The following EIF4G3 variants were observed in gnomAD, a reference collection of about 807,000 sequenced individuals.
EIF4G3 encodes eukaryotic translation initiation factor 4 gamma 3.
EIF4G3 carries 34 observed loss-of-function variants against 186.4 expected under a neutral mutation model. The ratio of observed to expected loss-of-function variants is 0.18; its 90% CI spans 0.14 to 0.24. EIF4G3 has a LOEUF of 0.24. Among genes scored for constraint, EIF4G3 ranks in the 10% least tolerant of loss-of-function variants. The pLI is 1.00. For synonymous variants in EIF4G3, 673 were observed against 679.5 expected (o/e 0.99, Z 0.15); for missense variants, 1,536 against 1,948.5 (o/e 0.79, Z 3.99).
At chr1:21,069,062 C>T (rs2095361770) in intron 3 of EIF4G3, among the ~76,000 whole-genome samples, 1 of 152,170 alleles carries the variant, frequency 6.6e-6, no homozygotes, top group African/African-American at 2.4e-5. Context: ...AACTCCTCTG[C>T]CTAGGTTTGG....
At chr1:21,068,033 A>T (rs1390799955) in intron 3 of EIF4G3, among the ~76,000 whole-genome samples, 2 of 152,192 alleles carry the variant, frequency 1.3e-5, no homozygotes, top group East Asian at 3.9e-4. Context: ...AAGGGCCCTA[A>T]TCCCCCAAAA....
chr1:20,980,524 A>G (rs2077725269), intron 9 of EIF4G3, 76 bp from the exon 10 acceptor site: 1 of 1,001,448 alleles, frequency 1.0e-6, no homozygotes, highest in African/African-American at 1.7e-5. Context: ...ATAATAAGAA[A>G]GTAGCTTACT....
At chr1:21,133,133 T>C (rs2097183956) in intron 2 of EIF4G3, among the ~76,000 whole-genome samples, 1 of 152,116 alleles carries the variant, frequency 6.6e-6, no homozygotes, top group South Asian at 2.1e-4. Flanking sequence ...AATGGAAAAA[T>C]ATCCTATTAA....
intron 3 of EIF4G3, chr1:21,073,630 C>A: frequency 1.9e-6 from 1 of 518,884 alleles, no homozygotes; most frequent in Non-Finnish European, 3.8e-6. Context: ...CCTGGGCACA[C>A]GCCACATGCA....
intron 14 of EIF4G3, among the ~76,000 whole-genome samples, chr1:20,912,817 T>C (rs1314724279): frequency 6.6e-6 from 1 of 152,132 alleles, no homozygotes; most frequent in African/African-American, 2.4e-5. Context: ...CCCTCTAGAG[T>C]TCCTATAGGC....
At chr1:21,056,956 C>T (rs2094587925) in intron 3 of EIF4G3, among the ~76,000 whole-genome samples, 2 of 152,128 alleles carry the variant, frequency 1.3e-5, no homozygotes, top group African/African-American at 4.8e-5. Context: ...CTGCTTATTG[C>T]ATTTAAAAGA....
At chr1:20,835,808 G>A (rs2066583621) in intron 30 of EIF4G3, among the ~76,000 whole-genome samples, 1 of 152,006 alleles carries the variant, frequency 6.6e-6, no homozygotes, top group South Asian at 2.1e-4. Context: ...ACAGTGGCAT[G>A]CACCTACTGT....
At chr1:20,925,110 T>A (rs1396311780) in intron 14 of EIF4G3, among the ~76,000 whole-genome samples, 1 of 152,238 alleles carries the variant, frequency 6.6e-6, no homozygotes, top group South Asian at 2.1e-4. Flanking sequence ...CACATATATG[T>A]GTGCATTATA....
chr1:21,029,009 A>G (rs2092462776), intron 4 of EIF4G3, among the ~76,000 whole-genome samples: 1 of 152,114 alleles, frequency 6.6e-6, no homozygotes, highest in Non-Finnish European at 1.5e-5. Flanking sequence ...CAGCTTCCCA[A>G]AGTGCTGGAA....
intron 12 of EIF4G3, among the ~76,000 whole-genome samples, chr1:20,951,715 T>A (rs866173112): frequency 2.0e-5 from 3 of 149,326 alleles, no homozygotes; most frequent in Admixed American, 1.3e-4. Context: ...AAATATTAAC[T>A]ACTCCAATTG....
chr1:21,003,210 G>A (rs144027850), intron 4 of EIF4G3, among the ~76,000 whole-genome samples: 1 of 107,760 alleles, frequency 9.3e-6, no homozygotes, highest in African/African-American at 3.6e-5. Flanking sequence ...GTCTCACTTT[G>A]TTGCCCAGGC....
At chr1:20,833,774 A>G (rs968922360) in intron 30 of EIF4G3, among the ~76,000 whole-genome samples, 6 of 152,208 alleles carry the variant, frequency 3.9e-5, no homozygotes, top group Non-Finnish European at 7.3e-5. Context: ...AAAACTCTCA[A>G]TAAATTAGGT....
At chr1:20,943,113 C>T (rs1218430453) in intron 13 of EIF4G3, among the ~76,000 whole-genome samples, 2 of 151,972 alleles carry the variant, frequency 1.3e-5, no homozygotes, top group Non-Finnish European at 2.9e-5. Flanking sequence ...CATTGAGCTA[C>T]GAATGCATCA....
intron 31 of EIF4G3, 55 bp from the exon 32 acceptor site, chr1:20,827,753 A>AG: frequency 1.6e-6 from 2 of 1,241,356 alleles, no homozygotes; most frequent in Admixed American, 3.6e-5. Context: ...TTTCTTCTAG[A>AG]ACAAGAGGCA....
intron 4 of EIF4G3, among the ~76,000 whole-genome samples, chr1:21,017,441 A>T (rs2874366): frequency 0.39 from 59,457 of 151,574 alleles, 12,407 homozygotes; most frequent in Middle Eastern, 0.52. Flanking sequence ...ATCCTGGCCA[A>T]CATGGCAAAA....
At chr1:21,116,568 C>G (rs931538258) in intron 2 of EIF4G3, among the ~76,000 whole-genome samples, 1 of 151,788 alleles carries the variant, frequency 6.6e-6, no homozygotes, top group Non-Finnish European at 1.5e-5. Flanking sequence ...CCAGGCGCGG[C>G]GGCTCACACC....
At chr1:20,862,560 G>A (rs962157888) in intron 22 of EIF4G3, among the ~76,000 whole-genome samples, 9 of 151,974 alleles carry the variant, frequency 5.9e-5, no homozygotes, top group African/African-American at 2.2e-4. Flanking sequence ...CTACAGGCAC[G>A]TGCCACCGTG....
intron 2 of EIF4G3, among the ~76,000 whole-genome samples, chr1:21,171,371 C>A (rs1185775319): frequency 2.0e-5 from 3 of 152,132 alleles, no homozygotes; most frequent in Admixed American, 6.6e-5. Flanking sequence ...GTATCATCAC[C>A]CAGAACAAGC....
intron 2 of EIF4G3, among the ~76,000 whole-genome samples, chr1:21,102,406 T>C (rs2096544719): frequency 6.6e-6 from 1 of 152,210 alleles, no homozygotes; most frequent in Non-Finnish European, 1.5e-5. Context: ...GACTGCCAAC[T>C]TCAAATTATA....
Sources: allele counts gnomAD v4.1 joint callset (sites outside exome capture counted in the v4.1 genomes callset), GRCh38; gene constraint gnomAD v4.1.1; transcripts MANE v1.5; gene names NCBI Gene and HGNC (gene_info 2026-07-23, HGNC 2026-07-21).